The following PCDHGA10 variants were observed in gnomAD, a reference collection of about 807,000 sequenced individuals.
PCDHGA10 encodes protocadherin gamma-A10.
In PCDHGA10, 42 loss-of-function variants were observed where a neutral mutation model predicts 59.5. The observed-to-expected ratio is 0.71, with a 90% CI of 0.55 to 0.91. PCDHGA10 has a LOEUF of 0.91. Ranked by LOEUF, PCDHGA10 falls within the 40% of genes least tolerant of loss-of-function variation. The probability of loss-of-function intolerance (pLI) is 0.00; values close to 1 mark genes in which losing one functional copy is unlikely to be tolerated. For synonymous variants in PCDHGA10, 511 were observed against 517.2 expected (o/e 0.99, Z 0.16); for missense variants, 1,111 against 1,198.2 (o/e 0.93, Z 1.07).
chr5:141,421,019 C>T, intron 1 of PCDHGA10: 1 of 516,402 alleles, frequency 1.9e-6, no homozygotes, highest in Non-Finnish European at 3.4e-6. Flanking sequence ...TGGGAAGCTG[C>T]GCGCCATTGA....
chr5:141,452,914 TAAGA>T (rs1164409830), intron 1 of PCDHGA10, among the ~76,000 whole-genome samples: 1 of 152,226 alleles, frequency 6.6e-6, no homozygotes, highest in African/African-American at 2.4e-5. Flanking sequence ...CATTATACAG[TAAGA>T]AAGAGCTGCT....
intron 1 of PCDHGA10, among the ~76,000 whole-genome samples, chr5:141,479,878 A>G (rs1033313584): frequency 2.0e-5 from 3 of 152,170 alleles, no homozygotes; most frequent in African/African-American, 7.2e-5. Context: ...AGAACCCTAT[A>G]CATACTCTCA....
At chr5:141,422,209 C>G (rs1463323983) in intron 1 of PCDHGA10, 1 of 1,561,666 alleles carries the variant, frequency 6.4e-7, no homozygotes, top group East Asian at 2.2e-5. Context: ...TGGTGGAGGT[C>G]TCTTTACCAC....
Position 141,431,975 on chromosome 5 carries a change from A to G in PCDHGA10, c.2436+16364A>G. 1 of 1,614,218 alleles carries G rather than the reference A, an allele frequency of 6.2e-7. No individual in the cohort carries two copies. Among genetic ancestry groups the G allele is most frequent in the Non-Finnish European group, 8.5e-7 (1 of 1,180,022 alleles). ...TTACGGAAATTACTATAGTTTAGTC[A>G]CAGACATAGTCTTGGATAGGGAACA... On this transcript the variant is annotated intron_variant, in intron 1 of 3. Transcript: ENST00000398610. The surrounding 1 kb of genome is among the most constrained non-coding windows in gnomAD (Gnocchi z 4.8).
At position 141,490,645 on chromosome 5, in the gene PCDHGA10, C is replaced by G; in HGVS notation, c.2437-4162C>G. ...TGCTTACATCCTAGAAAACCGGCCTCCGGGCTCCCTTCTTTGCACTGTGGC... is the reference window on the plus strand; with the variant it reads ...TGCTTACATCCTAGAAAACCGGCCTGCGGGCTCCCTTCTTTGCACTGTGGC... On this transcript the variant is annotated intron_variant, in intron 1 of 3. Transcript: ENST00000398610. The surrounding 1 kb of genome is among the most constrained non-coding windows in gnomAD (Gnocchi z 5.4). 6.2e-7 allele frequency: 1 copy of G among 1,614,220 alleles called. No homozygotes were observed. Among genetic ancestry groups the G allele is most frequent in the Non-Finnish European group, 8.5e-7 (1 of 1,180,022 alleles).
Position 141,490,973 on chromosome 5 carries a change from G to A in PCDHGA10, c.2437-3834G>A, listed in dbSNP as rs774983500. 5.0e-6 allele frequency: 8 copies of A among 1,613,932 alleles called. No homozygotes were observed. The highest frequency in any genetic ancestry group is 2.2e-5 in the East Asian group (1 of 44,878). On this transcript the variant is annotated intron_variant, in intron 1 of 3. Transcript: ENST00000398610. The surrounding 1 kb of genome is among the most constrained non-coding windows in gnomAD (Gnocchi z 5.4). ...GACTGGGAACACTCAGCCCCCCAGC[G>A]TCTCCCTCGCTCTGCTCCTCCTGGC...
chr5:141,421,380 G>A, intron 1 of PCDHGA10: 1 of 1,614,064 alleles, frequency 6.2e-7, no homozygotes, highest in Non-Finnish European at 8.5e-7. Context: ...ATATCTCCAA[G>A]GACCTGGGGC....
intron 1 of PCDHGA10, among the ~76,000 whole-genome samples, chr5:141,473,871 T>A (rs2099330260): frequency 1.3e-5 from 2 of 152,190 alleles, no homozygotes; most frequent in Admixed American, 6.5e-5. Context: ...TTGTGGAGAA[T>A]GCATACACAA....
rs1373497766 is a variant in PCDHGA10 at position 141,413,390 on chromosome 5, C to T, written c.215C>T (p.Ser72Phe). 1 of 1,614,010 alleles carries T rather than the reference C, an allele frequency of 6.2e-7. No homozygotes were observed. The highest frequency in any genetic ancestry group is 1.3e-5 in the African/African-American group (1 of 75,068). ...GCGGAGCGCGGAGTCCGCATAGTCT[C>T]CAGAGGTAGGACGCAGCTTTTCTCT... ...ELAERGVRIV[S>F]RGRTQLFSLN... is the part of the protein sequence containing the mutation. The change falls in exon 1 of 4, where the codon TCC (serine) becomes TTC (phenylalanine). Residue 72 changes from serine (S) to phenylalanine (F), a missense_variant. Coordinates refer to ENST00000398610, the MANE Select transcript of PCDHGA10 (RefSeq NM_018913.3).
At chr5:141,504,502 G>A (rs2099838821) in intron 2 of PCDHGA10, among the ~76,000 whole-genome samples, 1 of 152,128 alleles carries the variant, frequency 6.6e-6, no homozygotes, top group Non-Finnish European at 1.5e-5. Context: ...CCCAGTCTGA[G>A]TGGATCTCCT....
chr5:141,427,775 G>A (rs768191014), intron 1 of PCDHGA10: 35 of 1,424,948 alleles, frequency 2.5e-5, no homozygotes, highest in Non-Finnish European at 2.9e-5. Context: ...TGGAGCTGCG[G>A]GCACTGTCGT....
intron 2 of PCDHGA10, among the ~76,000 whole-genome samples, chr5:141,497,050 G>A (rs113054804): frequency 6.6e-5 from 10 of 152,096 alleles, no homozygotes; most frequent in East Asian, 5.8e-4. Context: ...TTAGCCAGGC[G>A]TGGTGGCAGG....
At chr5:141,474,756 T>C (rs2099354156) in intron 1 of PCDHGA10, among the ~76,000 whole-genome samples, 1 of 152,244 alleles carries the variant, frequency 6.6e-6, no homozygotes, top group Non-Finnish European at 1.5e-5. Flanking sequence ...AAGACAAATA[T>C]ACAGAAATAG....
At chr5:141,460,991 A>G (rs889917939) in intron 1 of PCDHGA10, among the ~76,000 whole-genome samples, 39 of 141,522 alleles carry the variant, frequency 2.8e-4, no homozygotes, top group East Asian at 1.0e-3. Flanking sequence ...GTGTATATAT[A>G]TATATGTGTA....
In PCDHGA10 at chr5:141,512,249, T is replaced by A. The variant is rs1159090773; in HGVS notation, c.*1076T>A. 6.6e-6 allele frequency: 1 copy of A among 152,598 alleles called. No individual in the cohort carries two copies. The allele number at this position is 152,598 out of a possible 1,614,324, so 9.5% of individuals were successfully genotyped here. On this transcript the variant is annotated 3_prime_UTR_variant, in exon 4 of 4. Coordinates refer to ENST00000398610, the MANE Select transcript of PCDHGA10 (RefSeq NM_018913.3). Reference sequence around the variant, plus strand: ...CCTTGAGAGGTCAGAGGGGCCTCTGTGGGTGCTGGGTACTCCAGAGGTGCC... The same window carrying A: ...CCTTGAGAGGTCAGAGGGGCCTCTGAGGGTGCTGGGTACTCCAGAGGTGCC...
rs765751691 is a variant in PCDHGA10 at position 141,431,363 on chromosome 5, C to G, written c.2436+15752C>G. The G allele has an allele frequency of 6.2e-7, 1 of 1,614,024 alleles. No individual in the cohort carries two copies. The highest frequency in any genetic ancestry group is 2.2e-5 in the East Asian group (1 of 44,882). ...ATTGGTGCTGAAACGCGCCCTGGAC[C>G]GCGAAGAAAAGGCTGCTCACCACCT... is the stretch of plus-strand genomic sequence containing the variant. On this transcript the variant is annotated intron_variant, in intron 1 of 3. Transcript: ENST00000398610. This position sits in a 1 kb window ranked among gnomAD's most constrained non-coding sequence, Gnocchi z 4.8.
At chr5:141,441,308 C>T (rs984341964) in intron 1 of PCDHGA10, 2 of 152,164 alleles carry the variant, frequency 1.3e-5, no homozygotes, top group African/African-American at 2.4e-5. Flanking sequence ...TAAGAAAATG[C>T]ACCTTGAGAA....
At chr5:141,415,809 CTA>C in intron 1 of PCDHGA10, 198 bp downstream of exon 1, 1 of 1,346,328 alleles carries the variant, frequency 7.4e-7, no homozygotes, top group Non-Finnish European at 9.5e-7. Flanking sequence ...CAATCAAGGC[CTA>C]TATATCATAA....
In PCDHGA10 at chr5:141,489,201, G is replaced by A. The variant is rs757039294; in HGVS notation, c.2437-5606G>A. ...AGCCCTGGGTCTACCTTGGAGACAG[G>A]ACAGCACAGACTTACTCTCCACAAA... On this transcript the variant is annotated intron_variant, in intron 1 of 3. Coordinates refer to ENST00000398610, the MANE Select transcript of PCDHGA10 (RefSeq NM_018913.3). This position sits in a 1 kb window ranked among gnomAD's most constrained non-coding sequence, Gnocchi z 4.5. The A allele has an allele frequency of 7.8e-6, 11 of 1,416,092 alleles. No individual in the cohort carries two copies. In the African/African-American group the frequency reaches 1.3e-4, roughly 17 times the overall value. 87.7% of individuals were successfully genotyped at this position (1,416,092 alleles called of 1,614,324 possible).
Sources: allele counts gnomAD v4.1 joint callset (sites outside exome capture counted in the v4.1 genomes callset), GRCh38; gene constraint gnomAD v4.1.1; non-coding constraint Gnocchi (gnomAD v3.1); transcripts MANE v1.5; gene names NCBI Gene and HGNC (gene_info 2026-07-23, HGNC 2026-07-21).